The following CLEC4A variants were observed in gnomAD, a reference collection of about 807,000 sequenced individuals.
CLEC4A encodes the protein C-type (calcium dependent, carbohydrate-recognition domain) lectin, superfamily member 6.
A neutral mutation model predicts 32.7 loss-of-function variants in CLEC4A; 27 were observed. That is an observed-to-expected ratio of 0.83 (90% confidence interval 0.61 to 1.14). The LOEUF is 1.14. Among genes scored for constraint, CLEC4A ranks in the 50% most tolerant of loss-of-function variants. CLEC4A has a pLI of 0.00. For synonymous variants in CLEC4A, 89 were observed against 93.7 expected (o/e 0.95, Z 0.29); for missense variants, 253 against 274.6 (o/e 0.92, Z 0.55).
chr12:8,112,281 T>C, the CLEC4A span, among the ~76,000 whole-genome samples: 10 of 152,294 alleles, frequency 6.6e-5, no homozygotes, highest in African/African-American at 2.2e-4. Context: ...GTGGGTATAT[T>C]GCGTGATGCT....
upstream of CLEC4A, among the ~76,000 whole-genome samples, chr12:8,122,378 G>A (rs1056561800): frequency 1.2e-4 from 18 of 151,586 alleles, no homozygotes; most frequent in Admixed American, 6.6e-4. Context: ...AGTGCAAGCA[G>A]AGTGAGGAGG....
chr12:8,138,421 G>T lies in CLEC4A; in HGVS notation c.*134G>T, dbSNP rs1045621349. ...TCTGTCAACTATTCTACTTATGAGAGAATTGGTCTGTACATTGACTGATTC... is the reference window on the plus strand; with the variant it reads ...TCTGTCAACTATTCTACTTATGAGATAATTGGTCTGTACATTGACTGATTC... On this transcript the variant is annotated 3_prime_UTR_variant, in exon 6 of 6. Coordinates refer to ENST00000229332, the MANE Select transcript of CLEC4A (RefSeq NM_016184.4). 4.9e-5 allele frequency: 52 copies of T among 1,068,068 alleles called. No homozygotes were observed. Among genetic ancestry groups the T allele is most frequent in the Middle Eastern group, 4.2e-4 (2 of 4,760 alleles). The allele number at this position is 1,068,068 out of a possible 1,614,324, so 66.2% of individuals were successfully genotyped here.
At chr12:8,125,928 T>C (rs1183053062) in intron 2 of CLEC4A, among the ~76,000 whole-genome samples, 1 of 152,204 alleles carries the variant, frequency 6.6e-6, no homozygotes, top group Non-Finnish European at 1.5e-5. Flanking sequence ...GTATTTGTGT[T>C]GTAGAGTGAA....
chr12:8,126,466 T>C (rs949346978), intron 2 of CLEC4A, among the ~76,000 whole-genome samples: 25 of 151,316 alleles, frequency 1.7e-4, no homozygotes, highest in Non-Finnish European at 5.9e-5. Flanking sequence ...GCAGTCTGCC[T>C]ACCTCAGCCT....
chr12:8,119,840 G>A (rs867498348), upstream of CLEC4A, among the ~76,000 whole-genome samples: 2 of 152,154 alleles, frequency 1.3e-5, no homozygotes, highest in African/African-American at 4.8e-5. Context: ...AAGTTCAGGG[G>A]TTCCCAGGGG....
the CLEC4A span, among the ~76,000 whole-genome samples, chr12:8,114,629 G>A: frequency 0.28 from 41,969 of 152,038 alleles, 6,536 homozygotes; most frequent in East Asian, 0.44. Context: ...CAAAGCCCAG[G>A]GAGAGGTATT....
intron 3 of CLEC4A, among the ~76,000 whole-genome samples, chr12:8,132,002 C>T (rs1948006749): frequency 6.6e-6 from 1 of 152,144 alleles, no homozygotes; most frequent in Non-Finnish European, 1.5e-5. Flanking sequence ...CCCCGGCTTG[C>T]TCCCTCCACC....
intron 3 of CLEC4A, among the ~76,000 whole-genome samples, chr12:8,130,869 G>C (rs866387320): frequency 1.3e-5 from 2 of 152,018 alleles, no homozygotes; most frequent in Non-Finnish European, 2.9e-5. Flanking sequence ...ACAATTTTCA[G>C]GTTTCCTTAG....
chr12:8,103,371 C>CTTTTTTTTT, the CLEC4A span, among the ~76,000 whole-genome samples: 18 of 49,024 alleles, frequency 3.7e-4, no homozygotes, highest in South Asian at 1.4e-3. Flanking sequence ...TTGTTTCTTT[C>CTTTTTTTTT]TGTTGTTTTT....
the CLEC4A span, among the ~76,000 whole-genome samples, chr12:8,115,184 T>A: frequency 3.3e-5 from 5 of 152,196 alleles, no homozygotes; most frequent in Non-Finnish European, 4.4e-5. Context: ...GGCAAATATG[T>A]TTGAACACCC....
chr12:8,108,110 T>C, the CLEC4A span, among the ~76,000 whole-genome samples: 2 of 152,198 alleles, frequency 1.3e-5, no homozygotes, highest in Non-Finnish European at 2.9e-5. Flanking sequence ...TTTCAAAGAA[T>C]TTCTTGATTT....
At chr12:8,123,370 G>T (rs1241969082), upstream of CLEC4A, among the ~76,000 whole-genome samples, 2 of 152,170 alleles carry the variant, frequency 1.3e-5, no homozygotes, top group Admixed American at 6.5e-5. Context: ...TTGTGTCAAT[G>T]ATACTCTTAG....
chr12:8,114,832 C>T, the CLEC4A span, among the ~76,000 whole-genome samples: 4 of 152,192 alleles, frequency 2.6e-5, no homozygotes, highest in South Asian at 2.1e-4. Flanking sequence ...AGTTAGATGA[C>T]TCTCAGCTCA....
intron 3 of CLEC4A, among the ~76,000 whole-genome samples, chr12:8,129,803 G>T (rs1000623647): frequency 6.6e-6 from 1 of 151,998 alleles, no homozygotes; most frequent in African/African-American, 2.4e-5. Context: ...AAACCCAAAA[G>T]ACAAAAAAAC....
the CLEC4A span, among the ~76,000 whole-genome samples, chr12:8,112,516 G>T: frequency 6.6e-6 from 1 of 151,914 alleles, no homozygotes. Flanking sequence ...AATATATTGG[G>T]TGAAAAATAT....
the CLEC4A span, among the ~76,000 whole-genome samples, chr12:8,103,180 A>G: frequency 6.6e-5 from 10 of 152,006 alleles, no homozygotes; most frequent in Non-Finnish European, 1.2e-4. Flanking sequence ...TTCAGCTTAC[A>G]TGTTAACCCC....
chr12:8,118,675 A>G (rs1355792842), upstream of CLEC4A, among the ~76,000 whole-genome samples: 1 of 152,178 alleles, frequency 6.6e-6, no homozygotes, highest in Non-Finnish European at 1.5e-5. Flanking sequence ...ATCTACCCCC[A>G]TGATCCAGTC....
Position 8,133,515 on chromosome 12 carries a change from GTCTA to G in CLEC4A, c.299-2065_299-2062del, listed in dbSNP as rs1390753529. Among the ~76,000 whole-genome samples the G allele has an allele frequency of 5.4e-5, 4 of 73,628 alleles. No individual in the cohort carries two copies. In the East Asian group the frequency reaches 1.1e-3, roughly 21 times the overall value. The allele number at this position is 73,628 out of a possible 152,430, so 48.3% of individuals were successfully genotyped here. A position where few individuals can be genotyped will look rare whatever the true frequency, so the allele number is the denominator to read the frequency against. ...TAAAATTTCCATTTTTTTTTTTTTT[GTCTA>G]TCTACTGTGTTGAGGCTTCTTTATT... is the stretch of plus-strand genomic sequence containing the variant. On this transcript the variant is annotated intron_variant, in intron 3 of 5. Coordinates refer to ENST00000229332, the MANE Select transcript of CLEC4A (RefSeq NM_016184.4).
chr12:8,111,403 C>T, the CLEC4A span, among the ~76,000 whole-genome samples: 1 of 150,048 alleles, frequency 6.7e-6, no homozygotes, highest in African/African-American at 2.5e-5. Context: ...TGGCCTTGAA[C>T]TCCTGACCTC....
Sources: allele counts gnomAD v4.1 joint callset (sites outside exome capture counted in the v4.1 genomes callset), GRCh38; gene constraint gnomAD v4.1.1; transcripts MANE v1.5; gene names NCBI Gene and HGNC (gene_info 2026-07-23, HGNC 2026-07-21).